ZBTB20: variants seen among roughly 807,000 people sequenced by gnomAD.
The protein encoded by ZBTB20 is zinc finger and BTB domain-containing protein 20.
In ZBTB20, 9 loss-of-function variants were observed where a neutral mutation model predicts 56.9. That is an observed-to-expected ratio of 0.16 (90% CI 0.10 to 0.28). ZBTB20 has a LOEUF of 0.28. Among genes scored for constraint, ZBTB20 ranks in the 10% least tolerant of loss-of-function variants. ZBTB20 has a pLI of 1.00. For missense variants in ZBTB20, 655 were observed against 1,003.0 expected (o/e 0.65, Z 4.69); for synonymous variants, 417 against 420.7 (o/e 0.99, Z 0.11).
intron 2 of ZBTB20, among the ~76,000 whole-genome samples, chr3:114,989,686 G>A (rs549970500): frequency 2.4e-4 from 36 of 152,030 alleles, no homozygotes; most frequent in South Asian, 1.0e-3. Context: ...TATAAATTAC[G>A]CAGGACAGTA....
intron 2 of ZBTB20, among the ~76,000 whole-genome samples, chr3:114,980,932 A>G (rs1399818198): frequency 1.3e-5 from 2 of 151,958 alleles, no homozygotes; most frequent in Non-Finnish European, 2.9e-5. Context: ...AGATCATTTT[A>G]ACTAAAAATA....
intron 1 of ZBTB20, among the ~76,000 whole-genome samples, chr3:115,146,780 C>G (rs1360456099): frequency 6.6e-6 from 1 of 152,174 alleles, no homozygotes; most frequent in Non-Finnish European, 1.5e-5. Flanking sequence ...AGCTCCTGAG[C>G]CCCGGCTAGT....
intron 4 of ZBTB20, chr3:114,876,255 C>A (rs927026224): frequency 6.7e-6 from 1 of 148,528 alleles, no homozygotes; most frequent in East Asian, 2.0e-4. Flanking sequence ...ACACTGCACA[C>A]AATTTGTAGT....
At position 115,090,846 on chromosome 3, in the gene ZBTB20, T is replaced by C. The variant is rs185473775; in HGVS notation, c.-702-19432A>G. On this transcript the variant is annotated intron_variant, in intron 1 of 11. Coordinates refer to ENST00000675478, the MANE Select transcript of ZBTB20 (RefSeq NM_001348800.3). ...AAAGTTTGTGCAATTTGCCCAGTCA[T>C]AAGTTTGCTGGTATTTATGGTAATA... is the stretch of plus-strand genomic sequence containing the variant. 1.2e-3 allele frequency among the ~76,000 whole-genome samples: 183 copies of C among 152,054 alleles called. No individual in the cohort carries two copies. The Middle Eastern group carries it at 0.034, about 28-fold the overall frequency.
At chr3:114,762,263 T>C (rs1043271925) in intron 5 of ZBTB20, among the ~76,000 whole-genome samples, 1 of 152,178 alleles carries the variant, frequency 6.6e-6, no homozygotes, top group Non-Finnish European at 1.5e-5. Flanking sequence ...TGGTACTCAC[T>C]GGGGAAGCCA....
chr3:114,560,502 T>C (rs529929297), intron 6 of ZBTB20, among the ~76,000 whole-genome samples: 27 of 152,294 alleles, frequency 1.8e-4, no homozygotes, highest in African/African-American at 5.8e-4. Context: ...TTATTTAACT[T>C]GGTAATGAGG....
chr3:114,414,078 A>C (rs1240639462), intron 7 of ZBTB20, among the ~76,000 whole-genome samples: 1 of 152,148 alleles, frequency 6.6e-6, no homozygotes, highest in Non-Finnish European at 1.5e-5. Flanking sequence ...AGATGTCTCC[A>C]GCTCTCATTA....
chr3:115,044,648 G>A (rs1183530929), intron 2 of ZBTB20, among the ~76,000 whole-genome samples: 2 of 152,168 alleles, frequency 1.3e-5, no homozygotes, highest in Non-Finnish European at 2.9e-5. Flanking sequence ...ACATACCAAT[G>A]CCAGAGCCCT....
chr3:115,091,133 T>TA (rs1017209994), intron 1 of ZBTB20, among the ~76,000 whole-genome samples: 1 of 151,662 alleles, frequency 6.6e-6, no homozygotes, highest in African/African-American at 2.4e-5. Flanking sequence ...GAAAAACAAA[T>TA]AAAAAAATGG....
intron 6 of ZBTB20, among the ~76,000 whole-genome samples, chr3:114,579,053 G>C (rs546820609): frequency 6.6e-6 from 1 of 151,708 alleles, no homozygotes; most frequent in African/African-American, 2.4e-5. Flanking sequence ...AAGAAGGTCA[G>C]AAATACTAAA....
intron 5 of ZBTB20, among the ~76,000 whole-genome samples, chr3:114,757,687 T>G (rs563540668): frequency 5.3e-5 from 8 of 152,286 alleles, no homozygotes; most frequent in African/African-American, 1.9e-4. Flanking sequence ...AACTTTCTTA[T>G]GAGCTCTATT....
chr3:114,371,927 A>G (rs2083065151), intron 10 of ZBTB20, among the ~76,000 whole-genome samples: 1 of 141,310 alleles, frequency 7.1e-6, no homozygotes, highest in Non-Finnish European at 1.6e-5. Context: ...AAAGAAAGCA[A>G]AAAAAAAAAA....
rs560654673 is a variant in ZBTB20 at position 114,717,856 on chromosome 3, C to A, written c.-342-24281G>T. On this transcript the variant is annotated intron_variant, in intron 5 of 11. Transcript: ENST00000675478. ...CTTGCAACAATTTAACACGGATAACCGCTTCTTTTCCTCCTCGAAACTGTA... is the reference window on the plus strand; with the variant it reads ...CTTGCAACAATTTAACACGGATAACAGCTTCTTTTCCTCCTCGAAACTGTA... Among the ~76,000 whole-genome samples the A allele has an allele frequency of 1.9e-3, 287 of 152,204 alleles. 2 individuals are homozygous for A. The highest frequency in any genetic ancestry group is 6.2e-3 in the African/African-American group (256 of 41,534).
At chr3:114,623,868 G>A (rs925131222) in intron 6 of ZBTB20, among the ~76,000 whole-genome samples, 3 of 151,724 alleles carry the variant, frequency 2.0e-5, no homozygotes, top group African/African-American at 4.8e-5. Flanking sequence ...GACATCCATC[G>A]GTGGCAGTAT....
intron 3 of ZBTB20, among the ~76,000 whole-genome samples, chr3:114,939,883 GA>G (rs2107845674): frequency 6.8e-6 from 1 of 146,276 alleles, no homozygotes; most frequent in South Asian, 2.1e-4. Context: ...ACAAATTCTG[GA>G]AAACAGCTTC....
At chr3:114,599,226 T>G (rs1215725006) in intron 6 of ZBTB20, 1 of 152,082 alleles carries the variant, frequency 6.6e-6, no homozygotes, top group East Asian at 1.9e-4. Context: ...GGCCTCATGC[T>G]CCACAATTAT....
chr3:114,807,233 A>G (rs2072172021), intron 4 of ZBTB20, among the ~76,000 whole-genome samples: 1 of 151,922 alleles, frequency 6.6e-6, no homozygotes, highest in South Asian at 2.1e-4. Context: ...ATCTCTTCTT[A>G]TATTCAGTTA....
chr3:114,781,793 T>G (rs542604984), intron 5 of ZBTB20, among the ~76,000 whole-genome samples: 2 of 152,324 alleles, frequency 1.3e-5, no homozygotes, highest in African/African-American at 4.8e-5. Flanking sequence ...TGGTAGTGAA[T>G]AAGTCTCATG....
chr3:114,534,707 A>C (rs924821598), intron 6 of ZBTB20, among the ~76,000 whole-genome samples: 7 of 152,160 alleles, frequency 4.6e-5, no homozygotes, highest in Non-Finnish European at 1.0e-4. Flanking sequence ...GCACCATATC[A>C]CACTTACTCT....
Sources: gnomAD v4.1 joint callset for allele counts (sites outside exome capture counted in the v4.1 genomes callset) on GRCh38, gnomAD v4.1.1 for gene constraint, MANE v1.5 for transcripts, NCBI Gene and HGNC (gene_info 2026-07-23, HGNC 2026-07-21) for gene names.